Variants in ADGRV1 observed in about 807,000 individuals in gnomAD.
ADGRV1 encodes the protein adhesion G protein-coupled receptor V1.
Under a neutral mutation model 596.2 loss-of-function variants are expected in ADGRV1, and 359 were observed. That is an observed-to-expected ratio of 0.60 (90% CI 0.55 to 0.66). The LOEUF (loss-of-function observed/expected upper bound fraction) is 0.66, where lower values mean the gene tolerates loss of function less well. Among genes scored for constraint, ADGRV1 ranks in the 30% least tolerant of loss-of-function variants. The pLI is 0.00. For synonymous variants in ADGRV1, 2,681 were observed against 2,679.2 expected, an observed-to-expected ratio of 1.00 and a Z score of -0.02; for missense variants, 7,274 against 7,575.6, an observed-to-expected ratio of 0.96 and a Z score of 1.48.
intron 87 of ADGRV1, among the ~76,000 whole-genome samples, chr5:91,107,963 A>G (rs964694174): frequency 2.0e-5 from 3 of 152,218 alleles, no homozygotes; most frequent in Non-Finnish European, 4.4e-5. Context: ...AGAACTTATT[A>G]GAAGCTAAGA....
chr5:90,614,781 A>G (rs564916670), intron 1 of ADGRV1, 54 bp from the exon 2 acceptor site: 293 of 1,221,902 alleles, frequency 2.4e-4, no homozygotes, highest in Non-Finnish European at 3.2e-4. Context: ...ATACAATCTA[A>G]TGAGAATAGA....
chr5:90,650,400 C>T (rs989053568), intron 17 of ADGRV1, among the ~76,000 whole-genome samples: 7 of 151,990 alleles, frequency 4.6e-5, no homozygotes, highest in African/African-American at 1.7e-4. Flanking sequence ...ATTATATGCT[C>T]TTTATTTATT....
chr5:91,113,401 G>A (rs6452938), intron 87 of ADGRV1, among the ~76,000 whole-genome samples: 10,084 of 152,166 alleles, frequency 0.066, 1,078 homozygotes, highest in African/African-American at 0.23. Flanking sequence ...CTCAGGATAA[G>A]TTCAAATTTT....
chr5:90,985,725 G>C (rs1780435672), intron 85 of ADGRV1, among the ~76,000 whole-genome samples: 1 of 152,166 alleles, frequency 6.6e-6, no homozygotes, highest in South Asian at 2.1e-4. Flanking sequence ...TTTCTCAAGT[G>C]AGTTGGTGTA....
intron 1 of ADGRV1, among the ~76,000 whole-genome samples, chr5:90,606,331 A>C (rs147029145): frequency 1.3e-5 from 2 of 152,024 alleles, no homozygotes; most frequent in African/African-American, 2.4e-5. Flanking sequence ...GGGTTAATCT[A>C]TTTCTTTACT....
chr5:90,759,064 G>A, intron 57 of ADGRV1, among the ~76,000 whole-genome samples: 1 of 151,892 alleles, frequency 6.6e-6, no homozygotes, highest in Non-Finnish European at 1.5e-5. Context: ...TTAAGAATAA[G>A]GATTTATTGT....
At chr5:90,679,435 T>C (rs1744651619) in intron 25 of ADGRV1, 114 bp from the exon 26 acceptor site, 13 of 613,558 alleles carry the variant, frequency 2.1e-5, no homozygotes, top group Non-Finnish European at 3.2e-5. Flanking sequence ...ATGCATGTTA[T>C]TGGGTGAATA....
At position 90,683,976 on chromosome 5, in the gene ADGRV1, G is replaced by A. The variant is rs201086252; in HGVS notation, c.6055G>A (p.Asp2019Asn). ...AGTCCTTGTCTCATATGCAACACTA[G>A]ATGATATGGAAAAACCACCTTATTT... ...GKVLVSYATL[D>N]DMEKPPYFPP... The change falls in exon 28 of 90, where the codon GAT (aspartate) becomes AAT (asparagine). Residue 2019 changes from aspartate to asparagine, a missense_variant. By Grantham distance (23) the Asp-to-Asn change is conservative. This residue lies in a region of ADGRV1 where 3,643 missense variants were observed against 3,809.2 expected (regional missense o/e 0.96). Transcript: ENST00000405460. 1 of 1,613,864 alleles carries A rather than the reference G, an allele frequency of 6.2e-7. No homozygotes were observed. The highest frequency in any genetic ancestry group is 1.3e-5 in the African/African-American group (1 of 75,010).
chr5:90,893,500 C>T (rs77606074), intron 83 of ADGRV1, among the ~76,000 whole-genome samples: 4,102 of 152,064 alleles, frequency 0.027, 166 homozygotes, highest in African/African-American at 0.093. Flanking sequence ...GGCTGGCTGC[C>T]GTGATATGTT....
At chr5:91,016,222 C>A (rs1205852906) in intron 85 of ADGRV1, among the ~76,000 whole-genome samples, 2 of 151,930 alleles carry the variant, frequency 1.3e-5, no homozygotes, top group Non-Finnish European at 2.9e-5. Context: ...CATGCCTTAA[C>A]AATGACAAAC....
intron 70 of ADGRV1, among the ~76,000 whole-genome samples, chr5:90,793,452 G>A (rs1384178333): frequency 6.6e-6 from 1 of 152,142 alleles, no homozygotes. Flanking sequence ...TTGACAATAA[G>A]GCAGGCCAAA....
intron 1 of ADGRV1, among the ~76,000 whole-genome samples, chr5:90,597,279 A>G (rs1760811196): frequency 6.6e-6 from 1 of 152,252 alleles, no homozygotes; most frequent in African/African-American, 2.4e-5. Context: ...GGATGTAAAT[A>G]TCAATGGGGA....
At chr5:90,937,102 C>T (rs1775758322) in intron 83 of ADGRV1, among the ~76,000 whole-genome samples, 1 of 152,048 alleles carries the variant, frequency 6.6e-6, no homozygotes, top group Admixed American at 6.6e-5. Context: ...TTAAGATTCT[C>T]CAGTTTCATT....
intron 29 of ADGRV1, among the ~76,000 whole-genome samples, chr5:90,688,571 G>A (rs563510826): frequency 2.6e-5 from 4 of 152,034 alleles, no homozygotes; most frequent in Admixed American, 2.6e-4. Context: ...TGGCCAGGAT[G>A]GTCTCGATCT....
chr5:90,781,630 A>T, intron 65 of ADGRV1, 52 bp downstream of exon 65: 1 of 1,536,372 alleles, frequency 6.5e-7, no homozygotes. Context: ...TTTCCAAATT[A>T]CATTAGTTTG....
At chr5:90,797,635 C>A (rs572962869) in intron 70 of ADGRV1, among the ~76,000 whole-genome samples, 1 of 152,172 alleles carries the variant, frequency 6.6e-6, no homozygotes, top group Non-Finnish European at 1.5e-5. Flanking sequence ...ACCTAAGAGA[C>A]ATCTACAGGT....
At chr5:91,043,579 T>C (rs557635733) in intron 85 of ADGRV1, among the ~76,000 whole-genome samples, 2 of 151,772 alleles carry the variant, frequency 1.3e-5, no homozygotes, top group South Asian at 2.1e-4. Context: ...ATAAGCTCTC[T>C]GTGCCTCAGT....
intron 38 of ADGRV1, among the ~76,000 whole-genome samples, chr5:90,707,479 T>C (rs1748758704): frequency 6.6e-6 from 1 of 152,128 alleles, no homozygotes; most frequent in African/African-American, 2.4e-5. Context: ...GTGTAAACCA[T>C]CTACCAACTG....
intron 85 of ADGRV1, among the ~76,000 whole-genome samples, chr5:91,014,962 C>CGT (rs1581793432): frequency 6.6e-6 from 1 of 151,748 alleles, no homozygotes; most frequent in African/African-American, 2.4e-5. Context: ...ATATTTGAGT[C>CGT]GTGATGTTTG....
Sources: gnomAD v4.1 joint callset for allele counts (sites outside exome capture counted in the v4.1 genomes callset) on GRCh38, gnomAD v4.1.1 for gene constraint, gnomAD v4.1.1 regional missense constraint, MANE v1.5 for transcripts, NCBI Gene and HGNC (gene_info 2026-07-23, HGNC 2026-07-21) for gene names.